PCSK6: variants seen among roughly 807,000 people sequenced by gnomAD.
The protein encoded by PCSK6 is paired basic amino acid cleaving enzyme 4.
In PCSK6, 85 loss-of-function variants were observed where a neutral mutation model predicts 123.3. That is an observed-to-expected ratio of 0.69 (90% confidence interval 0.58 to 0.83). The LOEUF (loss-of-function observed/expected upper bound fraction) is 0.83. Ranked by LOEUF, PCSK6 falls within the 40% of genes least tolerant of loss-of-function variation. The probability of loss-of-function intolerance (pLI) is 0.00; values close to 1 mark genes in which losing one functional copy is unlikely to be tolerated. For synonymous variants in PCSK6, 508 were observed against 516.0 expected (o/e 0.98, Z 0.21); for missense variants, 1,191 against 1,282.3 (o/e 0.93, Z 1.09).
At chr15:101,397,173 C>G (rs77941692) in intron 7 of PCSK6, among the ~76,000 whole-genome samples, 1 of 152,088 alleles carries the variant, frequency 6.6e-6, no homozygotes, top group African/African-American at 2.4e-5. Flanking sequence ...GAGAGAAAAA[C>G]GCTCATTCTG....
At chr15:101,483,487 C>T (rs1210336780) in intron 1 of PCSK6, among the ~76,000 whole-genome samples, 1 of 152,200 alleles carries the variant, frequency 6.6e-6, no homozygotes, top group East Asian at 1.9e-4. Context: ...TATGTTCAGA[C>T]TCAGAAGCAA....
intron 13 of PCSK6, among the ~76,000 whole-genome samples, chr15:101,338,072 G>A (rs139988219): frequency 7.9e-4 from 121 of 152,216 alleles, no homozygotes; most frequent in Middle Eastern, 6.8e-3. Flanking sequence ...TATCATGAAC[G>A]GCAATGCCAC....
intron 1 of PCSK6, among the ~76,000 whole-genome samples, chr15:101,458,671 T>C (rs1247440825): frequency 1.3e-5 from 2 of 152,164 alleles, no homozygotes; most frequent in Non-Finnish European, 2.9e-5. Context: ...ACCCAGCAGA[T>C]TGGCTCCTCG....
intron 11 of PCSK6, among the ~76,000 whole-genome samples, chr15:101,371,422 G>A (rs1053468769): frequency 6.6e-6 from 1 of 152,062 alleles, no homozygotes; most frequent in African/African-American, 2.4e-5. Context: ...CCTGTCCTTG[G>A]ACCCCCTAAA....
At chr15:101,461,150 C>T (rs959315330) in intron 1 of PCSK6, among the ~76,000 whole-genome samples, 6 of 151,816 alleles carry the variant, frequency 4.0e-5, no homozygotes, top group African/African-American at 1.5e-4. Context: ...AAGGCGCAAA[C>T]GAATAAATAA....
chr15:101,410,141 G>A (rs1420540658), intron 6 of PCSK6, among the ~76,000 whole-genome samples: 4 of 152,176 alleles, frequency 2.6e-5, no homozygotes, highest in Non-Finnish European at 5.9e-5. Flanking sequence ...CTATGTTGTT[G>A]AGGCTGGTTT....
chr15:101,428,097 T>A, intron 5 of PCSK6, 117 bp from the exon 6 acceptor site: 1 of 828,402 alleles, frequency 1.2e-6, no homozygotes, highest in Non-Finnish European at 1.9e-6. Context: ...GAGATGTCAT[T>A]AAAGCCCATT....
chr15:101,421,246 AT>A (rs1441723251), intron 6 of PCSK6, among the ~76,000 whole-genome samples: 4 of 152,120 alleles, frequency 2.6e-5, no homozygotes. Context: ...ACGCCTGGCT[AT>A]TTCTTAAGAT....
intron 16 of PCSK6, among the ~76,000 whole-genome samples, chr15:101,326,094 C>A (rs909892768): frequency 6.6e-6 from 1 of 152,262 alleles, no homozygotes; most frequent in Non-Finnish European, 1.5e-5. Context: ...GCACGCCCAA[C>A]ATGACCCACT....
chr15:101,443,311 G>GT (rs1356778736), intron 2 of PCSK6, among the ~76,000 whole-genome samples: 3 of 152,088 alleles, frequency 2.0e-5, no homozygotes, highest in African/African-American at 7.2e-5. Context: ...TGTTTCATGG[G>GT]TAAGATTCAT....
At chr15:101,328,502 C>G (rs897960871) in intron 15 of PCSK6, among the ~76,000 whole-genome samples, 1 of 152,120 alleles carries the variant, frequency 6.6e-6, no homozygotes, top group South Asian at 2.1e-4. Context: ...TGCAGATGTC[C>G]TCACCATCTC....
rs766865400 is a variant in PCSK6 at position 101,393,365 on chromosome 15, C to A, written c.1056G>T (p.Gly352=). 3.7e-6 allele frequency: 6 copies of A among 1,606,128 alleles called. No homozygotes were observed. The South Asian group carries it at 4.4e-5, about 12-fold the overall frequency. ...TGTAGCCATCGCACGAGCAGTAGTC[C>A]CCCTCTCTCCCGCCATTCCCAGATG... ...VWASGNGGRE[G]DYCSCDGYTN... Residue 352 remains glycine, a synonymous_variant, in exon 8 of 22, where the codon GGG becomes GGT. Coordinates refer to ENST00000611716, the MANE Select transcript of PCSK6 (RefSeq NM_002570.5).
intron 6 of PCSK6, among the ~76,000 whole-genome samples, chr15:101,400,982 C>T (rs1212198275): frequency 1.3e-5 from 2 of 152,136 alleles, no homozygotes; most frequent in East Asian, 1.9e-4. Context: ...ACAAGAGTCA[C>T]CAAAGGCAGT....
chr15:101,383,676 G>C (rs1043000681), intron 10 of PCSK6, among the ~76,000 whole-genome samples: 1 of 152,182 alleles, frequency 6.6e-6, no homozygotes, highest in African/African-American at 2.4e-5. Flanking sequence ...TCATTGTACA[G>C]ATGAGGAAAC....
At chr15:101,444,948 G>A (rs1209056413) in intron 1 of PCSK6, among the ~76,000 whole-genome samples, 2 of 152,206 alleles carry the variant, frequency 1.3e-5, no homozygotes, top group African/African-American at 2.4e-5. Flanking sequence ...CTTCCCTTCA[G>A]TTCTCCTTTC....
intron 1 of PCSK6, among the ~76,000 whole-genome samples, chr15:101,463,643 G>A (rs755969428): frequency 3.0e-4 from 45 of 152,160 alleles, no homozygotes; most frequent in Admixed American, 1.3e-3. Flanking sequence ...GGGAGCACTG[G>A]GATAGTTGCC....
chr15:101,427,992 G>GA lies in PCSK6; in HGVS notation c.735-13dup. On this transcript the variant is annotated splice_polypyrimidine_tract_variant and intron_variant, in intron 5 of 21. Transcript: ENST00000611716. ...AACGAGTGCCGTGTCTGAAACAAAG[G>GA]AAAAAACCAAGTGAGGACGCAGCCC... The GA allele has an allele frequency of 6.4e-7, 1 of 1,561,098 alleles. No homozygotes were observed. The highest frequency in any genetic ancestry group is 1.2e-5 in the South Asian group (1 of 84,644).
At chr15:101,315,165 G>A (rs2039959467) in intron 19 of PCSK6, among the ~76,000 whole-genome samples, 2 of 152,228 alleles carry the variant, frequency 1.3e-5, no homozygotes, top group Non-Finnish European at 2.9e-5. Flanking sequence ...AAGCTTCAAA[G>A]TTGTTAAAAC....
At chr15:101,316,276 A>G (rs2039988542) in intron 19 of PCSK6, 1 of 152,236 alleles carries the variant, frequency 6.6e-6, no homozygotes. Flanking sequence ...GCCAGAGGGC[A>G]TGGGGCGCAG....
Sources: gnomAD v4.1 joint callset for allele counts (sites outside exome capture counted in the v4.1 genomes callset) on GRCh38, gnomAD v4.1.1 for gene constraint, MANE v1.5 for transcripts, NCBI Gene and HGNC (gene_info 2026-07-23, HGNC 2026-07-21) for gene names.